The following MYCBP2 variants were observed in gnomAD, a reference collection of about 807,000 sequenced individuals.
The protein encoded by MYCBP2 is E3 ubiquitin-protein ligase MYCBP2.
In MYCBP2, 120 loss-of-function variants were observed where a neutral mutation model predicts 525.3. The ratio of observed to expected loss-of-function variants is 0.23; its 90% CI spans 0.20 to 0.27. The LOEUF is 0.27. Among genes scored for constraint, MYCBP2 ranks in the 10% least tolerant of loss-of-function variants. The probability of loss-of-function intolerance (pLI) is 1.00; values close to 1 mark genes in which losing one functional copy is unlikely to be tolerated. For synonymous variants in MYCBP2, 1,894 were observed against 1,955.8 expected, an observed-to-expected ratio of 0.97 and a Z score of 0.83; for missense variants, 4,149 against 5,657.1, an observed-to-expected ratio of 0.73 and a Z score of 8.55.
chr13:77,213,642 T>TA (rs1319674716), intron 21 of MYCBP2, among the ~76,000 whole-genome samples: 2 of 152,230 alleles, frequency 1.3e-5, no homozygotes, highest in Non-Finnish European at 2.9e-5. Context: ...AAAAATGTGT[T>TA]AGATACCTGG....
At chr13:77,168,987 T>C (rs1275430172) in intron 39 of MYCBP2, among the ~76,000 whole-genome samples, 2 of 152,242 alleles carry the variant, frequency 1.3e-5, no homozygotes, top group Non-Finnish European at 2.9e-5. Context: ...ACATTGCTAT[T>C]GTTATTAATG....
chr13:77,266,663 C>A (rs551236387), intron 8 of MYCBP2, among the ~76,000 whole-genome samples: 16 of 139,810 alleles, frequency 1.1e-4, no homozygotes, highest in Non-Finnish European at 2.0e-4. Flanking sequence ...GGGGAGTGTG[C>A]ATGTTATTAA....
At position 77,177,861 on chromosome 13, in the gene MYCBP2, A is replaced by T. The variant is rs755347431; in HGVS notation, c.5227T>A (p.Ser1743Thr). The T allele has an allele frequency of 1.9e-6, 3 of 1,613,494 alleles. No individual in the cohort carries two copies. The highest frequency in any genetic ancestry group is 2.5e-6 in the Non-Finnish European group (3 of 1,179,434). The part of the protein sequence containing the change: ...QGRSWNTGNG[S>T]PDAICFSVDK... ...ACTGAAAAACAGATTGCATCAGGGG[A>T]CCCGTTCCCAGTGTTCCAACTTCTG... Residue 1743 changes from serine to threonine, a missense_variant, in exon 35 of 83, where the codon TCC becomes ACC. Around this residue, in one of 21 missense-constraint regions of MYCBP2, gnomAD observed 54 missense variants for 117.0 expected, o/e 0.46. Coordinates refer to ENST00000544440, the MANE Select transcript of MYCBP2 (RefSeq NM_015057.5).
chr13:77,292,958 C>CAAAAAAAAAAAAAA (rs548135428), intron 2 of MYCBP2, among the ~76,000 whole-genome samples: 2 of 61,236 alleles, frequency 3.3e-5, no homozygotes, highest in Non-Finnish European at 7.0e-5. Context: ...GACTCCGTCT[C>CAAAAAAAAAAAAAA]AAAAAAAAAA....
chr13:77,097,545 C>T lies in MYCBP2; in HGVS notation c.9609G>A (p.Lys3203=), dbSNP rs772069610. 3.7e-6 allele frequency: 6 copies of T among 1,612,664 alleles called. No individual in the cohort carries two copies. Among genetic ancestry groups the T allele is most frequent in the South Asian group, 2.2e-5 (2 of 90,974 alleles). Residue 3203 remains lysine, a synonymous_variant, in exon 56 of 83, where the codon AAG becomes AAA. Transcript: ENST00000544440. ...TTTTCTTTTTTTCCTTTTTGGACTT[C>T]TTATTCTCTTTCTCACACTCTTTCT... ...LKKKECEKEN[K]KSKKEKKKKE...
chr13:77,239,507 TTC>T (rs978382844), intron 17 of MYCBP2, among the ~76,000 whole-genome samples: 3 of 152,186 alleles, frequency 2.0e-5, no homozygotes, highest in African/African-American at 7.2e-5. Flanking sequence ...GACCCATAAA[TTC>T]TGATTCATTA....
At position 77,059,572 on chromosome 13, in the gene MYCBP2, C is replaced by T; in HGVS notation, c.13091G>A (p.Gly4364Glu). Residue 4364 changes from glycine to glutamate, a missense_variant, in exon 77 of 83, where the codon GGA becomes GAA. By Grantham distance (98) the Gly-to-Glu change is moderately conservative. Coordinates refer to ENST00000544440, the MANE Select transcript of MYCBP2 (RefSeq NM_015057.5). ...ACTGCCAACAGCAGATAACTCTGTT[C>T]CACTCCTGGAACCACAGAAGCGACA... ...EACRFCGSRS[G>E]TELSAVGSVC... 1 of 1,614,128 alleles carries T rather than the reference C, an allele frequency of 6.2e-7. No individual in the cohort carries two copies. Among genetic ancestry groups the T allele is most frequent in the South Asian group, 1.1e-5 (1 of 91,072 alleles).
intron 68 of MYCBP2, among the ~76,000 whole-genome samples, chr13:77,074,678 A>G (rs2041985926): frequency 6.6e-6 from 1 of 152,222 alleles, no homozygotes; most frequent in East Asian, 1.9e-4. Flanking sequence ...CTCAGCAACC[A>G]AAAGAATGAA....
In MYCBP2 at chr13:77,185,178, G is replaced by A; in HGVS notation, c.4644C>T (p.Ala1548=). 6.2e-7 allele frequency: 1 copy of A among 1,614,086 alleles called. No homozygotes were observed. Among genetic ancestry groups the A allele is most frequent in the Non-Finnish European group, 8.5e-7 (1 of 1,179,984 alleles). The change falls in exon 32 of 83, where the codon GCC becomes GCT. Residue 1548 remains alanine, a synonymous_variant. Transcript: ENST00000544440. ...VLQECHNTFT[A]CFHSFYPTPA... is the part of the protein sequence containing the mutation. ...GAGTTGGGTAGAAAGAATGAAAGCA[G>A]GCAGTGAAAGTATTATGACATTCCT... is the stretch of plus-strand genomic sequence containing the variant.
intron 56 of MYCBP2, 108 bp downstream of exon 56, chr13:77,097,262 A>G (rs2046404656): frequency 7.1e-7 from 1 of 1,408,466 alleles, no homozygotes; most frequent in Admixed American, 2.5e-5. Flanking sequence ...ATTCTAAGAT[A>G]CTATAAATTC....
In MYCBP2 at chr13:77,181,701, C is replaced by T. The variant is rs2060236004; in HGVS notation, c.4941G>A (p.Gln1647=). The part of the protein sequence containing the change: ...LLVAHMEKLS[Q]SEENISGMTS... ...TAAAAGATTTCAGAGACAGACCTACCTGGCTGAGTTTTTCCATATGTGCCA... is the reference window on the plus strand; with the variant it reads ...TAAAAGATTTCAGAGACAGACCTACTTGGCTGAGTTTTTCCATATGTGCCA... The change falls in exon 33 of 83, where the codon CAG becomes CAA. Residue 1647 remains glutamine, a splice_region_variant and synonymous_variant. Transcript: ENST00000544440. The T allele has an allele frequency of 6.2e-7, 1 of 1,613,002 alleles. No individual in the cohort carries two copies. Among genetic ancestry groups the T allele is most frequent in the Admixed American group, 1.7e-5 (1 of 59,974 alleles).
At chr13:77,278,364 T>C (rs568520615) in intron 4 of MYCBP2, among the ~76,000 whole-genome samples, 8 of 152,314 alleles carry the variant, frequency 5.3e-5, no homozygotes, top group South Asian at 2.1e-4. Context: ...ATCATACTAA[T>C]TGAGAAATGT....
chr13:77,140,696 C>A, intron 50 of MYCBP2, 150 bp downstream of exon 50: 1 of 687,220 alleles, frequency 1.5e-6, no homozygotes, highest in Non-Finnish European at 2.6e-6. Context: ...AGAAATATTA[C>A]CATGAACTAC....
At chr13:77,167,451 A>G (rs1411433055) in intron 40 of MYCBP2, among the ~76,000 whole-genome samples, 1 of 152,150 alleles carries the variant, frequency 6.6e-6, no homozygotes, top group Non-Finnish European at 1.5e-5. Flanking sequence ...CATAGGATCC[A>G]GTTTCTTCAA....
chr13:77,305,653 T>C (rs1354012067), intron 1 of MYCBP2, among the ~76,000 whole-genome samples: 1 of 152,068 alleles, frequency 6.6e-6, no homozygotes, highest in Non-Finnish European at 1.5e-5. Flanking sequence ...GAATTTATGG[T>C]ATGTGTATTA....
At chr13:77,312,831 T>C (rs1475118940) in intron 1 of MYCBP2, among the ~76,000 whole-genome samples, 1 of 152,042 alleles carries the variant, frequency 6.6e-6, no homozygotes, top group African/African-American at 2.4e-5. Flanking sequence ...ATTTCTTTTT[T>C]TAAGGGCAAG....
intron 13 of MYCBP2, among the ~76,000 whole-genome samples, chr13:77,258,128 T>G (rs2072567533): frequency 6.6e-6 from 1 of 152,214 alleles, no homozygotes; most frequent in Non-Finnish European, 1.5e-5. Context: ...CACAGTACTT[T>G]CAAACTTTTC....
intron 63 of MYCBP2, among the ~76,000 whole-genome samples, chr13:77,082,821 C>T (rs1438000525): frequency 6.6e-6 from 1 of 152,082 alleles, no homozygotes; most frequent in Non-Finnish European, 1.5e-5. Context: ...CTAAGAATTA[C>T]ATTAGCCACA....
At chr13:77,215,894 A>T (rs8001055) in intron 21 of MYCBP2, among the ~76,000 whole-genome samples, 1,939 of 152,292 alleles carry the variant, frequency 0.013, 41 homozygotes, top group African/African-American at 0.043. Context: ...GATTTCTAAA[A>T]TACATACATA....
Sources: gnomAD v4.1 joint callset for allele counts (sites outside exome capture counted in the v4.1 genomes callset) on GRCh38, gnomAD v4.1.1 for gene constraint, gnomAD v4.1.1 regional missense constraint, MANE v1.5 for transcripts, NCBI Gene and HGNC (gene_info 2026-07-23, HGNC 2026-07-21) for gene names.